PANX1: variants seen among roughly 807,000 people sequenced by gnomAD.
PANX1 encodes the protein pannexin 1.
PANX1 carries 30 observed loss-of-function variants against 38.7 expected under a neutral mutation model. The observed-to-expected ratio is 0.78, with a 90% confidence interval of 0.58 to 1.05. PANX1 has a LOEUF of 1.05. PANX1 is among the 50% of genes least tolerant of loss of function. PANX1 has a pLI of 0.00. For missense variants in PANX1, 551 were observed against 517.2 expected (o/e 1.07, Z -0.63); for synonymous variants, 230 against 212.2 (o/e 1.08, Z -0.73).
chr11:94,138,288 C>T (rs1408741330), intron 1 of PANX1, among the ~76,000 whole-genome samples: 1 of 152,130 alleles, frequency 6.6e-6, no homozygotes, highest in Admixed American at 6.6e-5. Context: ...TATTCAGTTA[C>T]GGCATTGAAT....
intron 1 of PANX1, among the ~76,000 whole-genome samples, chr11:94,145,127 T>C (rs1174867956): frequency 6.6e-6 from 1 of 152,170 alleles, no homozygotes; most frequent in Non-Finnish European, 1.5e-5. Flanking sequence ...AGTAACAACA[T>C]GTGGATGAAG....
chr11:94,153,660 GTTTGCTTTATAGATAAGGAAAC>G (rs781747554), intron 2 of PANX1, 30 bp downstream of exon 2: 3 of 1,605,316 alleles, frequency 1.9e-6, no homozygotes, highest in South Asian at 2.2e-5. Context: ...AATAGAACCT[GTTTGCTTTATAGATAAGGAAAC>G]TAAAGCCCAG....
At chr11:94,130,964 A>G (rs1312583564) in intron 1 of PANX1, among the ~76,000 whole-genome samples, 2 of 152,224 alleles carry the variant, frequency 1.3e-5, no homozygotes, top group African/African-American at 2.4e-5. Flanking sequence ...CTCTTTGCGC[A>G]GGCATAGTCA....
intron 2 of PANX1, among the ~76,000 whole-genome samples, chr11:94,173,489 C>T (rs1026216167): frequency 2.0e-5 from 3 of 151,662 alleles, no homozygotes; most frequent in African/African-American, 7.3e-5. Context: ...ACCTCACTCC[C>T]GTCTGCTCTG....
At chr11:94,161,716 C>G (rs545444674) in intron 2 of PANX1, among the ~76,000 whole-genome samples, 1 of 152,310 alleles carries the variant, frequency 6.6e-6, no homozygotes, top group African/African-American at 2.4e-5. Context: ...CTTCTTCTCT[C>G]AATTCGTCAA....
At chr11:94,150,708 C>T (rs1050095522) in intron 1 of PANX1, among the ~76,000 whole-genome samples, 19 of 152,134 alleles carry the variant, frequency 1.2e-4, no homozygotes, top group African/African-American at 3.9e-4. Context: ...TGTTGCCTGC[C>T]CCTCCCTGCC....
intron 2 of PANX1, among the ~76,000 whole-genome samples, chr11:94,159,949 A>G (rs1016535008): frequency 6.6e-6 from 1 of 151,928 alleles, no homozygotes; most frequent in Non-Finnish European, 1.5e-5. Context: ...GTTGGTTTCA[A>G]AGAACATCTT....
At chr11:94,145,849 A>G (rs74500385) in intron 1 of PANX1, among the ~76,000 whole-genome samples, 1 of 152,232 alleles carries the variant, frequency 6.6e-6, no homozygotes, top group African/African-American at 2.4e-5. Flanking sequence ...AAGAACAAAC[A>G]TGGGATGGGG....
Position 94,180,847 on chromosome 11 carries a change from G to A in PANX1, c.1259G>A (p.Arg420Lys), listed in dbSNP as rs1947298180. 6.3e-7 allele frequency: 1 copy of A among 1,588,684 alleles called. No homozygotes were observed. Among genetic ancestry groups the A allele is most frequent in the Middle Eastern group, 1.7e-4 (1 of 5,992 alleles). Residue 420 changes from arginine (R) to lysine (K), a missense_variant, in exon 5 of 5, where the codon AGA becomes AAA. Transcript: ENST00000227638. Reference sequence around the variant, plus strand: ...AATGGAGAGAAGAATGCCCGACAGAGACTTCTGGATTCTTCTTGCTGATGA... The same window carrying A: ...AATGGAGAGAAGAATGCCCGACAGAAACTTCTGGATTCTTCTTGCTGATGA... ...ANNGEKNARQ[R>K]LLDSSC
chr11:94,160,129 A>G, intron 2 of PANX1, among the ~76,000 whole-genome samples: 1 of 150,388 alleles, frequency 6.6e-6, no homozygotes, highest in African/African-American at 2.5e-5. Flanking sequence ...ATATTTGCTG[A>G]GGAGTGCTTT....
At chr11:94,175,009 A>G (rs183323715) in intron 2 of PANX1, among the ~76,000 whole-genome samples, 8 of 151,850 alleles carry the variant, frequency 5.3e-5, no homozygotes, top group African/African-American at 9.7e-5. Context: ...GAAGAGCTCA[A>G]TACTCACTCG....
chr11:94,155,160 G>A (rs1373340689), intron 2 of PANX1, among the ~76,000 whole-genome samples: 1 of 152,188 alleles, frequency 6.6e-6, no homozygotes, highest in Non-Finnish European at 1.5e-5. Context: ...AGACCAGCCT[G>A]GCCAACATGG....
chr11:94,166,496 G>A (rs907641980), intron 2 of PANX1, among the ~76,000 whole-genome samples: 9 of 152,200 alleles, frequency 5.9e-5, no homozygotes, highest in African/African-American at 2.2e-4. Flanking sequence ...CTCCTGGACT[G>A]TAAGGTTTCC....
chr11:94,164,016 A>T (rs1392335413), intron 2 of PANX1, among the ~76,000 whole-genome samples: 5 of 151,996 alleles, frequency 3.3e-5, no homozygotes, highest in Non-Finnish European at 5.9e-5. Flanking sequence ...ATTTATTGGC[A>T]TATCGTTGCT....
At chr11:94,155,613 G>A (rs1946941045) in intron 2 of PANX1, among the ~76,000 whole-genome samples, 1 of 152,246 alleles carries the variant, frequency 6.6e-6, no homozygotes, top group South Asian at 2.1e-4. Flanking sequence ...CATCATAAAG[G>A]TCTTCATCCT....
At position 94,129,254 on chromosome 11, in the gene PANX1, C is replaced by T; in HGVS notation, c.-59C>T. The T allele has an allele frequency of 1.3e-6, 2 of 1,482,074 alleles. No homozygotes were observed. The highest frequency in any genetic ancestry group is 1.8e-6 in the Non-Finnish European group (2 of 1,086,634). The allele number at this position is 1,482,074 out of a possible 1,614,324, so 91.8% of individuals were successfully genotyped here. A position where few individuals can be genotyped will look rare whatever the true frequency, so the allele number is the denominator to read the frequency against. ...CCGGTGACTGGGTGAAGGCGCCGCG[C>T]AGCTTTCCCGACGCCGGCTGTACCC... On this transcript the variant is annotated 5_prime_UTR_variant, in exon 1 of 5. Coordinates refer to ENST00000227638, the MANE Select transcript of PANX1 (RefSeq NM_015368.4).
chr11:94,156,044 T>C (rs977420278), intron 2 of PANX1, among the ~76,000 whole-genome samples: 2 of 139,314 alleles, frequency 1.4e-5, no homozygotes, highest in African/African-American at 5.7e-5. Flanking sequence ...GGGCTGCCTT[T>C]GATGGATCCG....
At chr11:94,165,495 A>G (rs1044896971) in intron 2 of PANX1, among the ~76,000 whole-genome samples, 3 of 152,198 alleles carry the variant, frequency 2.0e-5, no homozygotes, top group Admixed American at 6.5e-5. Flanking sequence ...AATGGGCTAA[A>G]TGCTCCAATT....
chr11:94,151,331 C>T (rs997765052), intron 1 of PANX1, among the ~76,000 whole-genome samples: 1 of 152,090 alleles, frequency 6.6e-6, no homozygotes, highest in African/African-American at 2.4e-5. Context: ...GGGAGGTCCT[C>T]GAGATCCCAA....
Sources: allele counts gnomAD v4.1 joint callset (sites outside exome capture counted in the v4.1 genomes callset), GRCh38; gene constraint gnomAD v4.1.1; transcripts MANE v1.5; gene names NCBI Gene and HGNC (gene_info 2026-07-23, HGNC 2026-07-21).